Variants in USP38 observed in about 807,000 individuals in gnomAD.
The protein encoded by USP38 is ubiquitin carboxyl-terminal hydrolase 38.
Under a neutral mutation model 94.3 loss-of-function variants are expected in USP38, and 49 were observed. The ratio of observed to expected loss-of-function variants is 0.52; its 90% confidence interval spans 0.41 to 0.66. The LOEUF (loss-of-function observed/expected upper bound fraction) is 0.66, where lower values mean the gene tolerates loss of function less well. Ranked by LOEUF, USP38 falls within the 30% of genes least tolerant of loss-of-function variation. The pLI is 0.00. For synonymous variants in USP38, 468 were observed against 463.6 expected, an observed-to-expected ratio of 1.01 and a Z score of -0.12; for missense variants, 1,128 against 1,229.4, an observed-to-expected ratio of 0.92 and a Z score of 1.23.
intron 2 of USP38, among the ~76,000 whole-genome samples, chr4:143,193,102 G>GT (rs1450552168): frequency 6.6e-6 from 1 of 152,096 alleles, no homozygotes; most frequent in Admixed American, 6.5e-5. Flanking sequence ...ACAGAGCCAA[G>GT]ATGTGCTCAC....
Position 143,214,957 on chromosome 4 carries a change from A to G in USP38, c.2967+14A>G. On this transcript the variant is annotated intron_variant, in intron 9 of 9. Transcript: ENST00000307017. Reference sequence around the variant, plus strand: ...CTATATTTACAGGTAAGTTGGAAATACAAGCTTTATTTGTTGAAAATATTA... The same window carrying G: ...CTATATTTACAGGTAAGTTGGAAATGCAAGCTTTATTTGTTGAAAATATTA... The G allele has an allele frequency of 6.2e-7, 1 of 1,603,684 alleles. No individual in the cohort carries two copies. The highest frequency in any genetic ancestry group is 8.5e-7 in the Non-Finnish European group (1 of 1,175,336).
At chr4:143,201,057 C>T (rs1265942104) in intron 4 of USP38, among the ~76,000 whole-genome samples, 16 of 152,138 alleles carry the variant, frequency 1.1e-4, no homozygotes, top group African/African-American at 3.9e-4. Flanking sequence ...CAAAGAAGAA[C>T]CTGAATAGCC....
chr4:143,185,803 C>G lies in USP38; in HGVS notation c.353C>G (p.Pro118Arg). The G allele has an allele frequency of 1.9e-6, 3 of 1,614,180 alleles. No individual in the cohort carries two copies. The highest frequency in any genetic ancestry group is 2.5e-6 in the Non-Finnish European group (3 of 1,180,034). ...GGCCTGAAGCTGATTATGAGCTGTC[C>G]GTCGGTGCTGGATCTCTTTAGCCTC... ...HNGLKLIMSC[P>R]SVLDLFSLLQ... The change falls in exon 1 of 10, where the codon CCG becomes CGG. Residue 118 changes from proline (P) to arginine (R), a missense_variant. Transcript: ENST00000307017.
chr4:143,213,114 C>T (rs1278437775), intron 8 of USP38, among the ~76,000 whole-genome samples: 3 of 152,018 alleles, frequency 2.0e-5, no homozygotes, highest in Non-Finnish European at 4.4e-5. Flanking sequence ...GTTTTATTGT[C>T]GCCTGACCAC....
At position 143,213,711 on chromosome 4, in the gene USP38, A is replaced by AGTG. The variant is rs776898598; in HGVS notation, c.1736_1738dup (p.Ser579_Asp580insGly). On this transcript the variant is annotated inframe_insertion, in exon 9 of 10. Transcript: ENST00000307017. ...AGTACTAACAGAGACCCCTCGTACA[A>AGTG]GTGACGGTGAGAAGACTTTAATAGA... 2 of 1,613,794 alleles carry AGTG rather than the reference A, an allele frequency of 1.2e-6. No individual in the cohort carries two copies. The highest frequency in any genetic ancestry group is 2.2e-5 in the South Asian group (2 of 91,072).
At chr4:143,199,894 G>T (rs993838870) in intron 4 of USP38, among the ~76,000 whole-genome samples, 3 of 152,184 alleles carry the variant, frequency 2.0e-5, no homozygotes. Flanking sequence ...CAGATGCATA[G>T]TTTATAAGTA....
intron 4 of USP38, among the ~76,000 whole-genome samples, chr4:143,203,202 T>C (rs1731764171): frequency 6.6e-6 from 1 of 152,156 alleles, no homozygotes; most frequent in African/African-American, 2.4e-5. Flanking sequence ...AGGGGTCATA[T>C]ATGAGATTAC....
chr4:143,206,026 C>G lies in USP38; in HGVS notation c.1210-7C>G. The G allele has an allele frequency of 6.5e-7, 1 of 1,547,114 alleles. No homozygotes were observed. The highest frequency in any genetic ancestry group is 2.3e-5 in the East Asian group (1 of 43,392). On this transcript the variant is annotated splice_polypyrimidine_tract_variant and splice_region_variant and intron_variant, in intron 5 of 9. Coordinates refer to ENST00000307017, the MANE Select transcript of USP38 (RefSeq NM_032557.6). ...TTTAAACTGTTTTTCTTCTTTATGA[C>G]CTATAGGATTTTCCTAAGCCCAGTG...
In USP38 at chr4:143,209,666, G is replaced by A; in HGVS notation, c.1497+9G>A. The A allele has an allele frequency of 6.4e-7, 1 of 1,554,784 alleles. No homozygotes were observed. The highest frequency in any genetic ancestry group is 2.3e-5 in the East Asian group (1 of 44,432). On this transcript the variant is annotated intron_variant, in intron 7 of 9. Coordinates refer to ENST00000307017, the MANE Select transcript of USP38 (RefSeq NM_032557.6). Reference sequence around the variant, plus strand: ...TTCTGGCCCATACACAGGTGAGTGTGTATGTGTATATAGTACGTTTATGTT... The same window carrying A: ...TTCTGGCCCATACACAGGTGAGTGTATATGTGTATATAGTACGTTTATGTT...
At chr4:143,220,097 G>A (rs1014994348) in intron 9 of USP38, among the ~76,000 whole-genome samples, 198 bp from the exon 10 acceptor site, 1 of 152,008 alleles carries the variant, frequency 6.6e-6, no homozygotes, top group Non-Finnish European at 1.5e-5. Flanking sequence ...ATCTATTCCA[G>A]TATGTTTTAG....
At chr4:143,216,573 AG>A (rs1441391077) in intron 9 of USP38, among the ~76,000 whole-genome samples, 1 of 150,632 alleles carries the variant, frequency 6.6e-6, no homozygotes, top group Admixed American at 6.6e-5. Context: ...CCTGGGCTTA[AG>A]TGATCCTCCT....
chr4:143,199,096 A>G (rs893135911), intron 4 of USP38, among the ~76,000 whole-genome samples: 2 of 152,164 alleles, frequency 1.3e-5, no homozygotes, highest in African/African-American at 4.8e-5. Flanking sequence ...TATTAAACCC[A>G]GTACCCAATA....
rs749057695 is a variant in USP38, at chr4:143,213,922, C to G, written c.1946C>G (p.Ser649Cys). Residue 649 changes from serine to cysteine, a missense_variant, in exon 9 of 10, where the codon TCT becomes TGT. Coordinates refer to ENST00000307017, the MANE Select transcript of USP38 (RefSeq NM_032557.6). ...CAAGATGGTGGTCTAATGCAAGCCT[C>G]TGTACCCGGTCCTTCAGAAGAACCA... ...SIQDGGLMQA[S>C]VPGPSEEPVV... 4.3e-6 allele frequency: 7 copies of G among 1,613,730 alleles called. No homozygotes were observed. The South Asian group carries it at 5.5e-5, about 13-fold the overall frequency.
At chr4:143,204,382 G>C in intron 5 of USP38, 1 of 450,888 alleles carries the variant, frequency 2.2e-6, no homozygotes, top group Non-Finnish European at 4.4e-6. Flanking sequence ...ATATGGAAAT[G>C]GTTCTAAAAA....
Position 143,220,303 on chromosome 4 carries a change from G to A in USP38, c.2976G>A (p.Glu992=). 1.2e-6 allele frequency: 2 copies of A among 1,608,872 alleles called. No individual in the cohort carries two copies. Among genetic ancestry groups the A allele is most frequent in the Non-Finnish European group, 8.5e-7 (1 of 1,177,870 alleles). The change falls in exon 10 of 10, where the codon GAG becomes GAA. Residue 992 remains glutamate (E), a synonymous_variant. Coordinates refer to ENST00000307017, the MANE Select transcript of USP38 (RefSeq NM_032557.6). The part of the protein sequence containing the change: ...KDNKLYLQEQ[E]LNARARALQA... ...GTTATTTTTAATTTTAGGAACAAGA[G>A]TTGAATGCTCGAGCCCGGGCCCTCC...
chr4:143,186,017 G>A lies in USP38; in HGVS notation c.567G>A (p.Arg189=), dbSNP rs1373917884. The A allele has an allele frequency of 7.4e-6, 12 of 1,614,062 alleles. No homozygotes were observed. In the South Asian group the frequency reaches 7.7e-5, roughly 10 times the overall value. ...QCVSTQEREL[R]EYVSQVTKVS... Reference sequence around the variant, plus strand: ...TGTCCACCCAGGAAAGAGAGCTGCGGGAATATGTCTCCCAGGTGACAAAAG... The same window carrying A: ...TGTCCACCCAGGAAAGAGAGCTGCGAGAATATGTCTCCCAGGTGACAAAAG... Residue 189 remains arginine (R), a synonymous_variant, in exon 1 of 10, where the codon CGG becomes CGA. Coordinates refer to ENST00000307017, the MANE Select transcript of USP38 (RefSeq NM_032557.6).
In USP38 at chr4:143,220,751, A is replaced by C. The variant is rs1732304560; in HGVS notation, c.*295A>C. 2 of 209,108 alleles carry C rather than the reference A, an allele frequency of 9.6e-6. No homozygotes were observed. The highest frequency in any genetic ancestry group is 3.3e-3 in the Middle Eastern group (2 of 612). 13.0% of individuals were successfully genotyped at this position (209,108 alleles called of 1,614,324 possible). ...ATTAAGCTGCGTTAAATTTGGTAGA[A>C]GCATTTAAATGGTCTATCTTCAGTT... is the stretch of plus-strand genomic sequence containing the variant. On this transcript the variant is annotated 3_prime_UTR_variant, in exon 10 of 10. Transcript: ENST00000307017.
chr4:143,197,771 A>G (rs1731593231), intron 3 of USP38, 52 bp from the exon 4 acceptor site: 1 of 1,287,856 alleles, frequency 7.8e-7, no homozygotes, highest in South Asian at 1.2e-5. Context: ...CCACTGTTGG[A>G]TTAATGATTT....
chr4:143,197,724 A>G (rs1242589562), intron 3 of USP38, 99 bp from the exon 4 acceptor site: 1 of 739,870 alleles, frequency 1.4e-6, no homozygotes, highest in African/African-American at 1.8e-5. Flanking sequence ...CAGAAGGGGG[A>G]CATTCATATA....
Sources: allele counts gnomAD v4.1 joint callset (sites outside exome capture counted in the v4.1 genomes callset), GRCh38; gene constraint gnomAD v4.1.1; transcripts MANE v1.5; gene names NCBI Gene and HGNC (gene_info 2026-07-23, HGNC 2026-07-21).